PHF14: variants seen among roughly 807,000 people sequenced by gnomAD.
PHF14 encodes PHD finger protein 14.
In PHF14, 55 loss-of-function variants were observed where a neutral mutation model predicts 117.9. The observed-to-expected ratio is 0.47, with a 90% CI of 0.38 to 0.58. PHF14 has a LOEUF of 0.58. Ranked by LOEUF, PHF14 falls within the 20% of genes least tolerant of loss-of-function variation. The probability of loss-of-function intolerance (pLI) is 0.00; values close to 1 mark genes in which losing one functional copy is unlikely to be tolerated. For missense variants in PHF14, 978 were observed against 1,122.2 expected, an observed-to-expected ratio of 0.87 and a Z score of 1.84; for synonymous variants, 409 against 368.6, an observed-to-expected ratio of 1.11 and a Z score of -1.26.
intron 5 of PHF14, among the ~76,000 whole-genome samples, chr7:11,017,867 G>GT (rs917280751): frequency 9.2e-5 from 14 of 152,100 alleles, no homozygotes; most frequent in Admixed American, 5.2e-4. Context: ...ATTCCCCAAT[G>GT]TTTTCTTGTA....
At chr7:11,168,782 C>T (rs1016447426) in intron 17 of PHF14, among the ~76,000 whole-genome samples, 1 of 152,060 alleles carries the variant, frequency 6.6e-6, no homozygotes, top group African/African-American at 2.4e-5. Flanking sequence ...TTGAAGGTTA[C>T]CATTTAATAC....
rs190592253 is a variant in PHF14 at position 11,085,101 on chromosome 7, T to A, written c.2654+23016T>A. Among the ~76,000 whole-genome samples the A allele has an allele frequency of 8.5e-4, 129 of 152,278 alleles. 2 individuals carry two copies. The Middle Eastern group carries it at 0.01, about 12-fold the overall frequency. ...TCTGAAAAACTAAAACCTAATTTGG[T>A]ATGTTATGAAATAGACAACAGATAT... On this transcript the variant is annotated intron_variant, in intron 16 of 17. Coordinates refer to ENST00000634607, the MANE Select transcript of PHF14 (RefSeq NM_001007157.2).
At chr7:11,078,854 TTTTCC>T (rs2128335672) in intron 16 of PHF14, among the ~76,000 whole-genome samples, 1 of 152,282 alleles carries the variant, frequency 6.6e-6, no homozygotes, top group South Asian at 2.1e-4. Context: ...AAAATTTGTC[TTTTCC>T]TTTCTGTAAA....
chr7:11,053,949 C>T (rs1784930991), intron 14 of PHF14, among the ~76,000 whole-genome samples: 1 of 151,102 alleles, frequency 6.6e-6, no homozygotes, highest in African/African-American at 2.4e-5. Flanking sequence ...GGAAAGAGTC[C>T]ATGACCAGTA....
chr7:10,982,727 T>C lies in PHF14; in HGVS notation c.468T>C (p.Ser156=), dbSNP rs1324405941. 3 of 1,613,066 alleles carry C rather than the reference T, an allele frequency of 1.9e-6. No individual in the cohort carries two copies. The highest frequency in any genetic ancestry group is 2.5e-6 in the Non-Finnish European group (3 of 1,179,540). ...CTGCTGCCACCACACCAGCCACAAG[T>C]CCTCCTGCTGTTAACACATCCCCTT... is the stretch of plus-strand genomic sequence containing the variant. ...ASAAATTPAT[S]PPAVNTSPSV... is the part of the protein sequence containing the mutation. The change falls in exon 3 of 18, where the codon AGT becomes AGC. Residue 156 remains serine, a synonymous_variant. Coordinates refer to ENST00000634607, the MANE Select transcript of PHF14 (RefSeq NM_001007157.2).
intron 14 of PHF14, among the ~76,000 whole-genome samples, chr7:11,058,164 G>A (rs1345484744): frequency 1.3e-5 from 2 of 152,162 alleles, no homozygotes; most frequent in Non-Finnish European, 2.9e-5. Context: ...GGACCACCCA[G>A]TTATATATAC....
chr7:11,051,906 A>G, intron 14 of PHF14, 126 bp downstream of exon 14: 1 of 742,088 alleles, frequency 1.3e-6, no homozygotes, highest in Non-Finnish European at 2.1e-6. Flanking sequence ...GGTTATTCTT[A>G]ACAATTTTTT....
chr7:10,996,735 C>T (rs73678543), intron 4 of PHF14, among the ~76,000 whole-genome samples: 4,191 of 152,254 alleles, frequency 0.028, 196 homozygotes, highest in African/African-American at 0.096. Flanking sequence ...ACCACACTAC[C>T]TAAATAAATC....
At chr7:11,160,586 A>G (rs1345755332) in intron 17 of PHF14, among the ~76,000 whole-genome samples, 2 of 152,196 alleles carry the variant, frequency 1.3e-5, no homozygotes, top group Non-Finnish European at 2.9e-5. Context: ...AATAATAGCC[A>G]TTCTGACTGG....
In PHF14 at chr7:11,111,338, T is replaced by C. The variant is rs1185760839; in HGVS notation, c.2655-12T>C. On this transcript the variant is annotated splice_polypyrimidine_tract_variant and intron_variant, in intron 16 of 17. Coordinates refer to ENST00000634607, the MANE Select transcript of PHF14 (RefSeq NM_001007157.2). The stretch of plus-strand genomic sequence containing the variant: ...TTAGATACACCTACCTATAAATCTG[T>C]TTACCCTGCAGGTGTGATGAATGCA... The C allele has an allele frequency of 7.2e-7, 1 of 1,388,166 alleles. No homozygotes were observed. Among genetic ancestry groups the C allele is most frequent in the Non-Finnish European group, 1.0e-6 (1 of 982,220 alleles). The allele number at this position is 1,388,166 out of a possible 1,614,324, so 86.0% of individuals were successfully genotyped here.
intron 17 of PHF14, among the ~76,000 whole-genome samples, chr7:11,152,400 T>A (rs1443564721): frequency 6.6e-6 from 1 of 152,168 alleles, no homozygotes; most frequent in Non-Finnish European, 1.5e-5. Flanking sequence ...ACAATAATAT[T>A]TATCTTGCCT....
At chr7:11,016,121 G>C (rs147760151) in intron 5 of PHF14, among the ~76,000 whole-genome samples, 7 of 152,030 alleles carry the variant, frequency 4.6e-5, no homozygotes, top group Non-Finnish European at 8.8e-5. Context: ...TACTGTGGAC[G>C]TTACATAAGT....
chr7:11,104,667 G>C (rs778461334), intron 16 of PHF14: 3 of 960,334 alleles, frequency 3.1e-6, no homozygotes, highest in Middle Eastern at 5.3e-4. Context: ...GTTCTCAAAC[G>C]TTGTGCATTG....
At chr7:11,156,411 T>G (rs552248499) in intron 17 of PHF14, among the ~76,000 whole-genome samples, 9 of 152,324 alleles carry the variant, frequency 5.9e-5, no homozygotes, top group East Asian at 3.9e-4. Context: ...AACTGAAGAT[T>G]AATGGGTTCA....
intron 17 of PHF14, among the ~76,000 whole-genome samples, chr7:11,136,306 A>G (rs1788219138): frequency 6.6e-6 from 1 of 152,132 alleles, no homozygotes; most frequent in Non-Finnish European, 1.5e-5. Context: ...TGCAAACTGA[A>G]GGAATTTAGA....
At chr7:11,017,742 G>T (rs1322090435) in intron 5 of PHF14, among the ~76,000 whole-genome samples, 1 of 151,684 alleles carries the variant, frequency 6.6e-6, no homozygotes, top group Non-Finnish European at 1.5e-5. Context: ...TGCCCAGCTT[G>T]TTGTGATCCT....
At chr7:10,991,429 G>T (rs1241633686) in intron 4 of PHF14, among the ~76,000 whole-genome samples, 1 of 151,922 alleles carries the variant, frequency 6.6e-6, no homozygotes, top group Non-Finnish European at 1.5e-5. Context: ...ACCCGCCTTG[G>T]CCACCCAAGG....
intron 4 of PHF14, among the ~76,000 whole-genome samples, chr7:10,999,233 C>T (rs1027922116): frequency 2.0e-5 from 3 of 152,180 alleles, no homozygotes; most frequent in Admixed American, 6.5e-5. Context: ...AAGGCTGCCC[C>T]CTGATAGTAA....
At chr7:11,030,081 C>A (rs1359472863) in intron 7 of PHF14, among the ~76,000 whole-genome samples, 3 of 150,836 alleles carry the variant, frequency 2.0e-5, no homozygotes, top group Non-Finnish European at 4.4e-5. Flanking sequence ...ATTTATATAG[C>A]TGTTCCAGTC....
Sources: allele counts gnomAD v4.1 joint callset (sites outside exome capture counted in the v4.1 genomes callset), GRCh38; gene constraint gnomAD v4.1.1; transcripts MANE v1.5; gene names NCBI Gene and HGNC (gene_info 2026-07-23, HGNC 2026-07-21).